The following ZNF385D variants were observed in gnomAD, a reference collection of about 807,000 sequenced individuals.
The protein encoded by ZNF385D is zinc finger protein 385D.
ZNF385D carries 15 observed loss-of-function variants against 35.8 expected under a neutral mutation model. That is an observed-to-expected ratio of 0.42 (90% CI 0.28 to 0.64). ZNF385D has a LOEUF of 0.64. Ranked by LOEUF, ZNF385D falls within the 30% of genes least tolerant of loss-of-function variation. ZNF385D has a pLI of 0.23. For synonymous variants in ZNF385D, 212 were observed against 186.8 expected (o/e 1.13, Z -1.10); for missense variants, 474 against 494.6 (o/e 0.96, Z 0.39).
chr3:22,139,225 G>C (rs565859201), intron 3 of ZNF385D, among the ~76,000 whole-genome samples: 1 of 152,232 alleles, frequency 6.6e-6, no homozygotes, highest in African/African-American at 2.4e-5. Context: ...CAGGGATCTA[G>C]AACTAGAAAT....
At chr3:21,928,390 G>C (rs1575938166) in intron 3 of ZNF385D, among the ~76,000 whole-genome samples, 1 of 151,404 alleles carries the variant, frequency 6.6e-6, no homozygotes, top group African/African-American at 2.4e-5. Flanking sequence ...AAGGAAGAAA[G>C]ATGAAAAGAA....
intron 3 of ZNF385D, among the ~76,000 whole-genome samples, chr3:22,079,156 T>C (rs984687482): frequency 2.6e-5 from 4 of 152,032 alleles, no homozygotes; most frequent in Non-Finnish European, 4.4e-5. Flanking sequence ...TAACCTACAT[T>C]AGCCAATGCT....
intron 1 of ZNF385D, among the ~76,000 whole-genome samples, chr3:21,744,002 G>A (rs558168912): frequency 5.4e-4 from 82 of 152,216 alleles, no homozygotes; most frequent in African/African-American, 1.9e-3. Context: ...AAGTATTACT[G>A]TTACAAATAA....
intron 3 of ZNF385D, among the ~76,000 whole-genome samples, chr3:21,920,058 C>T (rs1217375086): frequency 1.3e-5 from 2 of 152,082 alleles, no homozygotes; most frequent in African/African-American, 4.8e-5. Context: ...TCAAATCTAG[C>T]CAAAGTATAT....
chr3:21,434,723 C>T (rs1701466822), intron 5 of ZNF385D, among the ~76,000 whole-genome samples: 1 of 152,084 alleles, frequency 6.6e-6, no homozygotes, highest in Non-Finnish European at 1.5e-5. Flanking sequence ...CTTGCTAGTG[C>T]AAGTCTAAGG....
At chr3:21,810,921 C>T (rs923123670) in intron 3 of ZNF385D, among the ~76,000 whole-genome samples, 2 of 149,850 alleles carry the variant, frequency 1.3e-5, no homozygotes, top group South Asian at 2.1e-4. Flanking sequence ...ATAATGAAAA[C>T]ATATATACAC....
At chr3:22,030,598 T>A (rs259445) in intron 3 of ZNF385D, among the ~76,000 whole-genome samples, 105,246 of 151,486 alleles carry the variant, frequency 0.69, 37,089 homozygotes, top group East Asian at 0.91. Flanking sequence ...CATTTCTGTG[T>A]TCAAATCACC....
At chr3:21,679,739 G>A (rs1007438656) in intron 1 of ZNF385D, among the ~76,000 whole-genome samples, 3 of 152,000 alleles carry the variant, frequency 2.0e-5, no homozygotes, top group Non-Finnish European at 4.4e-5. Flanking sequence ...CTAGCAGGGA[G>A]GGAAAATAGC....
At chr3:21,511,079 C>A (rs369854341) in intron 3 of ZNF385D, 56 bp from the exon 4 acceptor site, 1 of 1,601,516 alleles carries the variant, frequency 6.2e-7, no homozygotes, top group African/African-American at 1.3e-5. Context: ...AACTGGCATT[C>A]TCTGTATTAC....
chr3:21,865,019 A>C (rs1697267653), intron 3 of ZNF385D, among the ~76,000 whole-genome samples: 1 of 94,172 alleles, frequency 1.1e-5, no homozygotes, highest in African/African-American at 4.2e-5. Flanking sequence ...ACTTTGCAGC[A>C]ATTACTCTGT....
intron 2 of ZNF385D, among the ~76,000 whole-genome samples, chr3:22,249,968 T>A (rs972228041): frequency 6.6e-6 from 1 of 152,178 alleles, no homozygotes; most frequent in Non-Finnish European, 1.5e-5. Context: ...GGAGATATTA[T>A]CAAATTACCC....
chr3:21,976,891 G>C (rs761419816), intron 3 of ZNF385D, among the ~76,000 whole-genome samples: 1 of 152,166 alleles, frequency 6.6e-6, no homozygotes, highest in African/African-American at 2.4e-5. Context: ...GGGAGGCTGA[G>C]GAAGGAGAAT....
chr3:22,282,681 T>C (rs1404830251), intron 2 of ZNF385D, among the ~76,000 whole-genome samples: 2 of 152,022 alleles, frequency 1.3e-5, no homozygotes, highest in African/African-American at 4.8e-5. Flanking sequence ...ATGTTCCATG[T>C]GTTGATGAAT....
intron 2 of ZNF385D, among the ~76,000 whole-genome samples, chr3:22,181,803 C>T (rs904008300): frequency 2.0e-5 from 3 of 151,924 alleles, no homozygotes; most frequent in African/African-American, 7.3e-5. Context: ...CCTTCACTAG[C>T]TTTAAAGAAG....
intron 4 of ZNF385D, among the ~76,000 whole-genome samples, chr3:21,447,375 A>G (rs1330678265): frequency 2.0e-5 from 3 of 152,214 alleles, no homozygotes; most frequent in Non-Finnish European, 4.4e-5. Context: ...AGCCCTCCAA[A>G]ATCTATGAAT....
chr3:21,867,609 A>G (rs913185356), intron 3 of ZNF385D, among the ~76,000 whole-genome samples: 1 of 152,036 alleles, frequency 6.6e-6, no homozygotes, highest in Non-Finnish European at 1.5e-5. Flanking sequence ...CTAGTTTTTA[A>G]CTGTTTATAA....
At chr3:21,967,875 T>C (rs1046894940) in intron 3 of ZNF385D, among the ~76,000 whole-genome samples, 5 of 152,144 alleles carry the variant, frequency 3.3e-5, no homozygotes, top group African/African-American at 1.2e-4. Flanking sequence ...TGATTGACTA[T>C]CCATACAAAA....
chr3:21,432,189 T>C (rs1701322028), intron 5 of ZNF385D, among the ~76,000 whole-genome samples: 1 of 151,692 alleles, frequency 6.6e-6, no homozygotes, highest in South Asian at 2.1e-4. Context: ...ATCTGCTCTA[T>C]TGAAATGTAT....
At chr3:21,475,274 A>G (rs1024440323) in intron 4 of ZNF385D, among the ~76,000 whole-genome samples, 1 of 152,102 alleles carries the variant, frequency 6.6e-6, no homozygotes, top group African/African-American at 2.4e-5. Flanking sequence ...TATACTGGGA[A>G]TTTCACATTA....
Sources: gnomAD v4.1 joint callset for allele counts (sites outside exome capture counted in the v4.1 genomes callset) on GRCh38, gnomAD v4.1.1 for gene constraint, MANE v1.5 for transcripts, NCBI Gene and HGNC (gene_info 2026-07-23, HGNC 2026-07-21) for gene names.